DNTT: variants seen among roughly 807,000 people sequenced by gnomAD.
The protein encoded by DNTT is DNA nucleotidylexotransferase.
Under a neutral mutation model 60.9 loss-of-function variants are expected in DNTT, and 47 were observed. The ratio of observed to expected loss-of-function variants is 0.77; its 90% CI spans 0.61 to 0.98. DNTT has a LOEUF of 0.98. DNTT is among the 50% of genes least tolerant of loss of function. The pLI is 0.00. For synonymous variants in DNTT, 224 were observed against 221.2 expected (o/e 1.01, Z -0.11); for missense variants, 665 against 627.5 (o/e 1.06, Z -0.64).
At chr10:96,336,366 G>A (rs1219155899) in intron 10 of DNTT, among the ~76,000 whole-genome samples, 2 of 152,156 alleles carry the variant, frequency 1.3e-5, no homozygotes, top group Non-Finnish European at 2.9e-5. Context: ...GAGTGGCCAT[G>A]TAGGCCATTA....
chr10:96,321,266 G>A (rs769396178), intron 4 of DNTT, among the ~76,000 whole-genome samples: 3 of 152,134 alleles, frequency 2.0e-5, no homozygotes, highest in Non-Finnish European at 1.5e-5. Context: ...ACCCAAGTGG[G>A]CAACTTGGAG....
At chr10:96,315,775 A>AT (rs1844778949) in intron 1 of DNTT, among the ~76,000 whole-genome samples, 1 of 151,548 alleles carries the variant, frequency 6.6e-6, no homozygotes, top group South Asian at 2.1e-4. Flanking sequence ...TATAATAATA[A>AT]TTTTTCCCTC....
intron 10 of DNTT, 147 bp downstream of exon 10, chr10:96,336,121 C>G: frequency 1.3e-6 from 1 of 795,434 alleles, no homozygotes; most frequent in Non-Finnish European, 2.1e-6. Flanking sequence ...TTGAGGGCAG[C>G]AAGAAAGATT....
At chr10:96,312,608 G>C (rs1278527738) in intron 1 of DNTT, among the ~76,000 whole-genome samples, 2 of 152,220 alleles carry the variant, frequency 1.3e-5, no homozygotes, top group African/African-American at 4.8e-5. Flanking sequence ...AAGCCTGCCT[G>C]AAGTGCTGAC....
At position 96,332,544 on chromosome 10, in the gene DNTT, T is replaced by C. The variant is rs760602204; in HGVS notation, c.1307T>C (p.Leu436Pro). The C allele has an allele frequency of 1.2e-6, 2 of 1,614,202 alleles. No homozygotes were observed. The highest frequency in any genetic ancestry group is 1.7e-6 in the Non-Finnish European group (2 of 1,179,994). The part of the protein sequence containing the change: ...TWKAIRVDLV[L>P]CPYERRAFAL... Reference sequence around the variant, plus strand: ...AAGGCCATCCGTGTGGATTTAGTTCTGTGCCCCTACGAGCGTCGTGCCTTT... The same window carrying C: ...AAGGCCATCCGTGTGGATTTAGTTCCGTGCCCCTACGAGCGTCGTGCCTTT... The change falls in exon 9 of 11, where the codon CTG (leucine) becomes CCG (proline). Residue 436 changes from leucine to proline, a missense_variant. By Grantham distance (98) the Leu-to-Pro change is moderately conservative. Transcript: ENST00000371174.
chr10:96,313,372 A>G (rs189805112), intron 1 of DNTT, among the ~76,000 whole-genome samples: 8 of 152,346 alleles, frequency 5.3e-5, no homozygotes, highest in Admixed American at 2.6e-4. Flanking sequence ...CTTGAAAATG[A>G]CATTCATGTA....
intron 1 of DNTT, among the ~76,000 whole-genome samples, chr10:96,307,418 G>C (rs35388328): frequency 0.094 from 12,948 of 137,182 alleles, 758 homozygotes; most frequent in South Asian, 0.17. Context: ...GCAGTGGCAC[G>C]ATCTCGGCTC....
intron 5 of DNTT, among the ~76,000 whole-genome samples, chr10:96,323,912 A>G (rs916590996): frequency 2.0e-5 from 3 of 152,208 alleles, no homozygotes; most frequent in African/African-American, 2.4e-5. Context: ...TATGCAGAGC[A>G]TGAGTGTCGG....
chr10:96,306,387 T>C (rs1844638165), intron 1 of DNTT: 1 of 152,184 alleles, frequency 6.6e-6, no homozygotes, highest in East Asian at 1.9e-4. Flanking sequence ...CCACCACGTC[T>C]GGCCAAAAAT....
intron 1 of DNTT, among the ~76,000 whole-genome samples, chr10:96,316,593 T>C (rs531245530): frequency 1.3e-5 from 2 of 152,224 alleles, no homozygotes; most frequent in South Asian, 2.1e-4. Context: ...ATATAAACTC[T>C]CCACTCCAAC....
chr10:96,310,312 C>T (rs1020278247), intron 1 of DNTT, among the ~76,000 whole-genome samples: 15 of 152,186 alleles, frequency 9.9e-5, no homozygotes, highest in Non-Finnish European at 2.9e-5. Context: ...ATGTTCTATT[C>T]TACACTTCAA....
intron 1 of DNTT, among the ~76,000 whole-genome samples, chr10:96,309,607 C>CCCAAA (rs1844685376): frequency 6.6e-6 from 1 of 152,172 alleles, no homozygotes; most frequent in Non-Finnish European, 1.5e-5. Context: ...GATTCTGTCT[C>CCCAAA]ACTCATTATC....
At chr10:96,336,944 A>AT (rs1554923668) in intron 10 of DNTT, among the ~76,000 whole-genome samples, 1 of 151,088 alleles carries the variant, frequency 6.6e-6, no homozygotes, top group African/African-American at 2.4e-5. Flanking sequence ...TGTCAGGAAA[A>AT]AAAAAAAAAA....
At chr10:96,308,225 T>C (rs1246781583) in intron 1 of DNTT, among the ~76,000 whole-genome samples, 2 of 152,196 alleles carry the variant, frequency 1.3e-5, no homozygotes, top group African/African-American at 2.4e-5. Flanking sequence ...TACCTCAAAG[T>C]GTTGCACTGT....
Position 96,319,392 on chromosome 10 carries a change from T to A in DNTT, c.507+2T>A, listed in dbSNP as rs1269533051. ...AACAACTGTAACCAGATATTCACGG[T>A]AACGGGACTTTACATCAACACCCAG... On this transcript the variant is annotated splice_donor_variant, in intron 3 of 10. Transcript: ENST00000371174. LOFTEE classifies it high-confidence loss of function. The A allele has an allele frequency of 6.2e-7, 1 of 1,613,416 alleles. No homozygotes were observed. The highest frequency in any genetic ancestry group is 8.5e-7 in the Non-Finnish European group (1 of 1,179,484).
intron 10 of DNTT, among the ~76,000 whole-genome samples, chr10:96,337,475 T>C (rs1440819139): frequency 6.6e-6 from 1 of 152,226 alleles, no homozygotes; most frequent in Non-Finnish European, 1.5e-5. Context: ...ATGCTAAGCA[T>C]GTGGGTGAAG....
At chr10:96,319,450 G>A (rs1844838056) in intron 3 of DNTT, 60 bp downstream of exon 3, 4 of 1,595,734 alleles carry the variant, frequency 2.5e-6, no homozygotes, top group Admixed American at 3.5e-5. Flanking sequence ...TCTTTCTGTG[G>A]ACCGCAAATT....
At position 96,324,386 on chromosome 10, in the gene DNTT, G is replaced by A. The variant is rs1286283190; in HGVS notation, c.871G>A (p.Ala291Thr). 3 of 1,613,622 alleles carry A rather than the reference G, an allele frequency of 1.9e-6. No homozygotes were observed. The highest frequency in any genetic ancestry group is 1.3e-5 in the African/African-American group (1 of 74,888). The change falls in exon 6 of 11, where the codon GCA becomes ACA. Residue 291 changes from alanine (A) to threonine (T), a missense_variant. By Grantham distance (58) the Ala-to-Thr change is moderately conservative (BLOSUM62 0). Transcript: ENST00000371174. ...CCTGAAATTTACACGAATGCAGAAA[G>A]CAGGTAAATTGTCTCTCCTAAAAGT... ...KSLKFTRMQK[A>T]GFLYYEDLVS...
intron 5 of DNTT, among the ~76,000 whole-genome samples, chr10:96,323,607 C>T (rs1180834589): frequency 6.6e-6 from 1 of 152,076 alleles, no homozygotes; most frequent in African/African-American, 2.4e-5. Context: ...CGGAACTGCT[C>T]TTAAAGAGCA....
Sources: gnomAD v4.1 joint callset for allele counts (sites outside exome capture counted in the v4.1 genomes callset) on GRCh38, gnomAD v4.1.1 for gene constraint, MANE v1.5 for transcripts, NCBI Gene and HGNC (gene_info 2026-07-23, HGNC 2026-07-21) for gene names.